LRRC34: variants seen among roughly 807,000 people sequenced by gnomAD.
The protein encoded by LRRC34 is leucine-rich repeat-containing protein 34.
In LRRC34, 44 loss-of-function variants were observed where a neutral mutation model predicts 48.5. The ratio of observed to expected loss-of-function variants is 0.91; its 90% CI spans 0.71 to 1.17. LRRC34 has a LOEUF of 1.17. Among genes scored for constraint, LRRC34 ranks in the 50% most tolerant of loss-of-function variants. The pLI, the probability that LRRC34 is intolerant of heterozygous loss-of-function variation, is 0.00. For missense variants in LRRC34, 502 were observed against 563.0 expected (o/e 0.89, Z 1.10); for synonymous variants, 192 against 197.6 (o/e 0.97, Z 0.24).
At position 169,812,532 on chromosome 3, in the gene LRRC34, G is replaced by A; in HGVS notation, c.17C>T (p.Pro6Leu). 1.3e-6 allele frequency: 2 copies of A among 1,505,212 alleles called. No individual in the cohort carries two copies. The allele number at this position is 1,505,212 out of a possible 1,614,324, so 93.2% of individuals were successfully genotyped here. A position where few individuals can be genotyped will look rare whatever the true frequency, so the allele number is the denominator to read the frequency against. ...CATGCTCCTCTCACCCACTGGCCGC[G>A]GCGGCTGCGCTGCCATGGCGACCGC... MAAQP[P>L]RPVGERSMGS... The change falls in exon 1 of 11, where the codon CCG becomes CTG. Residue 6 changes from proline (P) to leucine (L), a missense_variant. Transcript: ENST00000446859. The surrounding 1 kb of genome is among the most constrained non-coding windows in gnomAD (Gnocchi z 4.3).
intron 1 of LRRC34, among the ~76,000 whole-genome samples, chr3:169,811,851 C>G (rs1298226405): frequency 6.6e-6 from 1 of 151,968 alleles, no homozygotes; most frequent in Admixed American, 6.5e-5. Flanking sequence ...ATTAAGCCAG[C>G]CTCCGAACAC....
chr3:169,807,898 G>T, intron 2 of LRRC34, 189 bp from the exon 3 acceptor site: 1 of 638,984 alleles, frequency 1.6e-6, no homozygotes, highest in African/African-American at 1.9e-5. Flanking sequence ...TGAACATTCT[G>T]CAGACTGCAA....
Position 169,796,274 on chromosome 3 carries a change from T to G in LRRC34, c.1004A>C (p.Glu335Ala). Residue 335 changes from glutamate (E) to alanine (A), a missense_variant, in exon 9 of 11, where the codon GAA becomes GCA. Glu to Ala is a moderately radical substitution (Grantham distance 107). Coordinates refer to ENST00000446859, the MANE Select transcript of LRRC34 (RefSeq NM_001172779.2). ...EVIDLSFNRI[E>A]NAGANYLSET... Reference sequence around the variant, plus strand: ...ACTGAGATAGTTTGCGCCTGCATTTTCTATTCTGTTAAAGGAAAGATCTAT... The same window carrying G: ...ACTGAGATAGTTTGCGCCTGCATTTGCTATTCTGTTAAAGGAAAGATCTAT... The G allele has an allele frequency of 6.2e-7, 1 of 1,612,890 alleles. No homozygotes were observed. The highest frequency in any genetic ancestry group is 2.2e-5 in the East Asian group (1 of 44,742).
Position 169,793,576 on chromosome 3 carries a change from A to G in LRRC34, c.*59T>C. 8.1e-7 allele frequency: 1 copy of G among 1,238,352 alleles called. No individual in the cohort carries two copies. 76.7% of individuals were successfully genotyped at this position (1,238,352 alleles called of 1,614,324 possible). A position where few individuals can be genotyped will look rare whatever the true frequency, so the allele number is the denominator to read the frequency against. The stretch of plus-strand genomic sequence containing the variant: ...TTTATAAAAGAAAATAGGCTATAGA[A>G]TATTAATCTCTGTGAAACAATAAGA... On this transcript the variant is annotated 3_prime_UTR_variant, in exon 11 of 11. Transcript: ENST00000446859.
Position 169,793,670 on chromosome 3 carries a change from C to G in LRRC34, c.1360G>C (p.Gly454Arg). ...GESYDHSSNAGFALVPVGQQP is the reference protein window; with the variant it reads ...GESYDHSSNARFALVPVGQQP Reference sequence around the variant, plus strand: ...TGACCTACTGGAACAAGAGCAAAACCTGCATTAGATGAGTGGTCATAAGAT... The same window carrying G: ...TGACCTACTGGAACAAGAGCAAAACGTGCATTAGATGAGTGGTCATAAGAT... Residue 454 changes from glycine (G) to arginine (R), a missense_variant, in exon 11 of 11, where the codon GGT becomes CGT. Transcript: ENST00000446859. The G allele has an allele frequency of 6.2e-7, 1 of 1,613,576 alleles. No homozygotes were observed. Among genetic ancestry groups the G allele is most frequent in the Non-Finnish European group, 8.5e-7 (1 of 1,179,798 alleles).
chr3:169,808,314 AG>A (rs1186974995), intron 2 of LRRC34, among the ~76,000 whole-genome samples: 4 of 139,184 alleles, frequency 2.9e-5, no homozygotes, highest in Non-Finnish European at 4.6e-5. Context: ...GCACCATCTC[AG>A]AAAAAAAAAA....
Position 169,812,169 on chromosome 3 carries a change from G to C in LRRC34, c.139+241C>G, listed in dbSNP as rs1356819229. 6.6e-6 allele frequency among the ~76,000 whole-genome samples: 1 copy of C among 150,746 alleles called. No homozygotes were observed. Among genetic ancestry groups the C allele is most frequent in the Non-Finnish European group, 1.5e-5 (1 of 67,872 alleles). The stretch of plus-strand genomic sequence containing the variant: ...TATCGCGCAAAGGGCGGACCCACGG[G>C]AACTCCTCTCCGTGGACTCCTCTCC... On this transcript the variant is annotated intron_variant, in intron 1 of 10. Coordinates refer to ENST00000446859, the MANE Select transcript of LRRC34 (RefSeq NM_001172779.2). This position sits in a 1 kb window ranked among gnomAD's most constrained non-coding sequence, Gnocchi z 4.3.
intron 2 of LRRC34, 91 bp from the exon 3 acceptor site, chr3:169,807,800 T>C (rs899218444): frequency 6.9e-5 from 91 of 1,328,382 alleles, no homozygotes; most frequent in Non-Finnish European, 8.7e-5. Flanking sequence ...CATGTATAAA[T>C]AGTCATATCA....
intron 7 of LRRC34, among the ~76,000 whole-genome samples, chr3:169,797,927 G>A (rs528155110): frequency 6.6e-6 from 1 of 152,220 alleles, no homozygotes; most frequent in South Asian, 2.1e-4. Context: ...AAGGTACCTA[G>A]CACAAAATAA....
intron 7 of LRRC34, 197 bp from the exon 8 acceptor site, chr3:169,797,096 G>T (rs1242622891): frequency 5.5e-6 from 2 of 365,596 alleles, no homozygotes; most frequent in East Asian, 8.6e-5. Flanking sequence ...CTTCTCAGAA[G>T]GTAAAATATA....
chr3:169,797,995 A>G (rs373339576), intron 7 of LRRC34, among the ~76,000 whole-genome samples: 19 of 152,316 alleles, frequency 1.2e-4, no homozygotes, highest in African/African-American at 4.6e-4. Flanking sequence ...GTAATTCTGT[A>G]TTTGCTGAAA....
intron 6 of LRRC34, among the ~76,000 whole-genome samples, chr3:169,801,228 C>T (rs574974679): frequency 1.4e-4 from 21 of 152,204 alleles, no homozygotes; most frequent in Non-Finnish European, 2.5e-4. Flanking sequence ...CTCCCCATAT[C>T]CGTGATGGAC....
At chr3:169,811,174 G>T (rs1779554005) in intron 1 of LRRC34, among the ~76,000 whole-genome samples, 1 of 152,216 alleles carries the variant, frequency 6.6e-6, no homozygotes, top group Non-Finnish European at 1.5e-5. Flanking sequence ...ATAGAAGTTG[G>T]AGCTGGGCTC....
At position 169,812,573 on chromosome 3, in the gene LRRC34, C is replaced by A. The variant is rs1367308643; in HGVS notation, c.-25G>T. On this transcript the variant is annotated 5_prime_UTR_variant, in exon 1 of 11. Transcript: ENST00000446859. This position sits in a 1 kb window ranked among gnomAD's most constrained non-coding sequence, Gnocchi z 4.3. ...TGGCGACCGCGCGCGCACTTACAGTCCGCCTGCAGCTGTGAGGCGGCTACA... is the reference window on the plus strand; with the variant it reads ...TGGCGACCGCGCGCGCACTTACAGTACGCCTGCAGCTGTGAGGCGGCTACA... The A allele has an allele frequency of 6.9e-7, 1 of 1,456,624 alleles. No individual in the cohort carries two copies. Among genetic ancestry groups the A allele is most frequent in the Non-Finnish European group, 9.0e-7 (1 of 1,111,718 alleles). The allele number at this position is 1,456,624 out of a possible 1,614,324, so 90.2% of individuals were successfully genotyped here.
In LRRC34 at chr3:169,806,920, A is replaced by G. The variant is rs1370645728; in HGVS notation, c.456T>C (p.Asn152=). 1.3e-6 allele frequency: 2 copies of G among 1,597,744 alleles called. No homozygotes were observed. The highest frequency in any genetic ancestry group is 1.7e-6 in the Non-Finnish European group (2 of 1,168,062). ...YAAKLLQKQL[N]LIYLNLMFND... is the part of the protein sequence containing the mutation. ...TAAACATGAGGTTTAAGTAAATGAG[A>G]TTAAGTTGTTTCTATAAGAGAAAAG... The change falls in exon 5 of 11, where the codon AAT becomes AAC. Residue 152 remains asparagine, a synonymous_variant. Coordinates refer to ENST00000446859, the MANE Select transcript of LRRC34 (RefSeq NM_001172779.2).
At chr3:169,795,656 C>T (rs1172002025) in intron 9 of LRRC34, 45 bp from the exon 10 acceptor site, 12 of 1,586,446 alleles carry the variant, frequency 7.6e-6, no homozygotes, top group South Asian at 2.3e-5. Flanking sequence ...AAATTAGCAA[C>T]ATTTATTACA....
At chr3:169,803,236 C>T (rs1779257665) in intron 6 of LRRC34, among the ~76,000 whole-genome samples, 1 of 152,096 alleles carries the variant, frequency 6.6e-6, no homozygotes, top group Non-Finnish European at 1.5e-5. Context: ...CAGGGTCTTA[C>T]CATGTTGCCC....
chr3:169,795,861 T>C, intron 9 of LRRC34: 3 of 1,172,912 alleles, frequency 2.6e-6, no homozygotes, highest in Non-Finnish European at 3.2e-6. Context: ...GGATAGCAGA[T>C]ATATTTTTCT....
At chr3:169,810,402 T>A (rs1259654654) in intron 1 of LRRC34, among the ~76,000 whole-genome samples, 1 of 152,240 alleles carries the variant, frequency 6.6e-6, no homozygotes, top group African/African-American at 2.4e-5. Flanking sequence ...TAACTTTATA[T>A]GCTGTTTTTT....
Sources: allele counts gnomAD v4.1 joint callset (sites outside exome capture counted in the v4.1 genomes callset), GRCh38; gene constraint gnomAD v4.1.1; non-coding constraint Gnocchi (gnomAD v3.1); transcripts MANE v1.5; gene names NCBI Gene and HGNC (gene_info 2026-07-23, HGNC 2026-07-21).